The following SH3RF3 variants were observed in gnomAD, a reference collection of about 807,000 sequenced individuals.
SH3RF3 encodes E3 ubiquitin-protein ligase SH3RF3.
A neutral mutation model predicts 66.3 loss-of-function variants in SH3RF3; 29 were observed. That is an observed-to-expected ratio of 0.44 (90% confidence interval 0.33 to 0.60). The LOEUF is 0.60. SH3RF3 is among the 20% of genes least tolerant of loss of function. The probability of loss-of-function intolerance (pLI) is 0.04; values close to 1 mark genes in which losing one functional copy is unlikely to be tolerated. For synonymous variants in SH3RF3, 583 were observed against 532.0 expected (o/e 1.10, Z -1.32); for missense variants, 1,194 against 1,190.9 (o/e 1.00, Z -0.04).
At chr2:109,404,856 C>T (rs558423764) in intron 4 of SH3RF3, among the ~76,000 whole-genome samples, 5 of 152,302 alleles carry the variant, frequency 3.3e-5, no homozygotes, top group Non-Finnish European at 5.9e-5. Context: ...CTTCCTCATC[C>T]GCCATCTTGA....
chr2:109,192,524 GATTTGGTAATTTCT>G (rs1678392056), intron 1 of SH3RF3, among the ~76,000 whole-genome samples: 1 of 152,154 alleles, frequency 6.6e-6, no homozygotes, highest in Non-Finnish European at 1.5e-5. Context: ...TTCTTATAGA[GATTTGGTAATTTCT>G]ATGCCTGTGC....
At chr2:109,458,914 C>G (rs188244754) in intron 8 of SH3RF3, among the ~76,000 whole-genome samples, 1 of 152,326 alleles carries the variant, frequency 6.6e-6, no homozygotes, top group African/African-American at 2.4e-5. Flanking sequence ...GGGTACCTGC[C>G]TAGCCACACT....
chr2:109,340,791 G>A (rs1574583728), intron 1 of SH3RF3, among the ~76,000 whole-genome samples: 1 of 152,286 alleles, frequency 6.6e-6, no homozygotes, highest in East Asian at 1.9e-4. Flanking sequence ...GGAAAACTAA[G>A]CCCAAGGTAC....
chr2:109,482,966 A>G (rs1678874025), intron 8 of SH3RF3, among the ~76,000 whole-genome samples: 1 of 152,244 alleles, frequency 6.6e-6, no homozygotes, highest in African/African-American at 2.4e-5. Flanking sequence ...TGTTTAAAAT[A>G]CCCAATAGCT....
chr2:109,385,580 G>T (rs948907880), intron 3 of SH3RF3, among the ~76,000 whole-genome samples: 1 of 152,248 alleles, frequency 6.6e-6, no homozygotes, highest in Non-Finnish European at 1.5e-5. Flanking sequence ...AAAGGAGCCT[G>T]TTTGAAATAA....
intron 1 of SH3RF3, among the ~76,000 whole-genome samples, chr2:109,318,691 ATGCCCTGGCCAGAATCCGGGGC>A (rs1219412987): frequency 1.3e-5 from 2 of 152,286 alleles, no homozygotes; most frequent in African/African-American, 2.4e-5. Flanking sequence ...CTCTCAGATC[ATGCCCTGGCCAGAATCCGGGGC>A]TGCCCTGGCC....
At chr2:109,483,177 C>T (rs115514615) in intron 8 of SH3RF3, among the ~76,000 whole-genome samples, 2,291 of 152,318 alleles carry the variant, frequency 0.015, 45 homozygotes, top group South Asian at 0.081. Flanking sequence ...CAGAGCACAG[C>T]TTTTAATTAC....
intron 1 of SH3RF3, among the ~76,000 whole-genome samples, chr2:109,294,121 G>C (rs764760537): frequency 6.6e-6 from 1 of 152,048 alleles, no homozygotes; most frequent in Non-Finnish European, 1.5e-5. Flanking sequence ...TTGCTCCTTG[G>C]GCCCCTCCAT....
At chr2:109,472,698 T>C (rs546360102) in intron 8 of SH3RF3, among the ~76,000 whole-genome samples, 125 of 152,326 alleles carry the variant, frequency 8.2e-4, no homozygotes, top group Non-Finnish European at 1.3e-4. Flanking sequence ...CAGACATCCT[T>C]CAGAAGGAGG....
At chr2:109,132,830 A>C (rs533028559) in intron 1 of SH3RF3, among the ~76,000 whole-genome samples, 1 of 152,300 alleles carries the variant, frequency 6.6e-6, no homozygotes, top group African/African-American at 2.4e-5. Flanking sequence ...CATCAATCAA[A>C]TTGTTTCAGT....
In SH3RF3 at chr2:109,247,353, G is replaced by C. The variant is rs918666830; in HGVS notation, c.574-100321G>C. ...TGCAGCCCCTCCCTGAACTTCGTTAGTTTCTAGATCAGTTTACTTCCTAAG... is the reference window on the plus strand; with the variant it reads ...TGCAGCCCCTCCCTGAACTTCGTTACTTTCTAGATCAGTTTACTTCCTAAG... On this transcript the variant is annotated intron_variant, in intron 1 of 9. Coordinates refer to ENST00000309415, the MANE Select transcript of SH3RF3 (RefSeq NM_001099289.3). Among the ~76,000 whole-genome samples the C allele has an allele frequency of 2.0e-5, 3 of 152,192 alleles. No homozygotes were observed. In the East Asian group the frequency reaches 5.8e-4, roughly 29 times the overall value.
chr2:109,129,230 G>T lies in SH3RF3; in HGVS notation c.-311G>T, dbSNP rs754941234. On this transcript the variant is annotated 5_prime_UTR_variant, in exon 1 of 10. Transcript: ENST00000309415. Reference sequence around the variant, plus strand: ...ACAGAACCCGTTGAGCTTCGTGCCCGGCAGCACCCCCGGTCCCCCGCGCGG... The same window carrying T: ...ACAGAACCCGTTGAGCTTCGTGCCCTGCAGCACCCCCGGTCCCCCGCGCGG... 1 of 554,152 alleles carries T rather than the reference G, an allele frequency of 1.8e-6. No individual in the cohort carries two copies. Among genetic ancestry groups the T allele is most frequent in the South Asian group, 1.7e-5 (1 of 58,242 alleles). 34.3% of individuals were successfully genotyped at this position (554,152 alleles called of 1,614,324 possible).
rs539703481 is a variant in SH3RF3, at chr2:109,389,326, A to C, written c.946-9264A>C. On this transcript the variant is annotated intron_variant, in intron 3 of 9. Transcript: ENST00000309415. ...AGGAGGAAGAGGGCCTTTTATTTCT[A>C]CTGGAGGCAATGTCTGTCATCTCCC... 4.6e-5 allele frequency among the ~76,000 whole-genome samples: 7 copies of C among 152,208 alleles called. No individual in the cohort carries two copies. In the South Asian group the frequency reaches 1.2e-3, roughly 27 times the overall value.
chr2:109,475,288 T>A (rs1678655025), intron 8 of SH3RF3, among the ~76,000 whole-genome samples: 2 of 152,236 alleles, frequency 1.3e-5, no homozygotes, highest in Non-Finnish European at 2.9e-5. Flanking sequence ...CAGTATTATC[T>A]TAAATCTCCG....
At chr2:109,166,848 A>G (rs1677638633) in intron 1 of SH3RF3, among the ~76,000 whole-genome samples, 1 of 152,224 alleles carries the variant, frequency 6.6e-6, no homozygotes, top group South Asian at 2.1e-4. Context: ...CCCATATATG[A>G]TTTTAACAAG....
intron 4 of SH3RF3, among the ~76,000 whole-genome samples, chr2:109,413,168 G>A (rs999544006): frequency 6.6e-6 from 1 of 152,212 alleles, no homozygotes; most frequent in Non-Finnish European, 1.5e-5. Flanking sequence ...AGGCTGGAGT[G>A]CAGTGGCGTG....
Position 109,129,803 on chromosome 2 carries a change from C to A in SH3RF3, c.263C>A (p.Ser88Ter). The change falls in exon 1 of 10, where the codon TCG (serine) becomes TAG (stop). Residue 88 changes from serine to a stop codon, truncating the protein, a stop_gained. Transcript: ENST00000309415. LOFTEE classifies it high-confidence loss of function. ...CGCTGCCTGGAGAGCATCGTGTGCT[C>A]GCGCCACGAGCTGCGCTGCCCCGAG... is the stretch of plus-strand genomic sequence containing the variant. ...CRRCLESIVCSRHELRCPECR... is the reference protein window; with the variant it reads ...CRRCLESIVC The A allele has an allele frequency of 6.5e-7, 1 of 1,538,654 alleles. No homozygotes were observed.
chr2:109,287,309 G>T (rs148972610), intron 1 of SH3RF3, among the ~76,000 whole-genome samples: 1 of 152,110 alleles, frequency 6.6e-6, no homozygotes, highest in Non-Finnish European at 1.5e-5. Context: ...CTGATGCCCT[G>T]GTGGAGAGGC....
intron 7 of SH3RF3, among the ~76,000 whole-genome samples, chr2:109,448,943 G>A (rs764519936): frequency 2.9e-4 from 44 of 152,158 alleles, no homozygotes; most frequent in South Asian, 4.1e-4. Flanking sequence ...GTTTTGAGCC[G>A]TGGCAGGGCC....
Sources: gnomAD v4.1 joint callset for allele counts (sites outside exome capture counted in the v4.1 genomes callset) on GRCh38, gnomAD v4.1.1 for gene constraint, MANE v1.5 for transcripts, NCBI Gene and HGNC (gene_info 2026-07-23, HGNC 2026-07-21) for gene names.